Variants in PINX1 observed in about 807,000 individuals in gnomAD.
The protein encoded by PINX1 is PIN2/TERF1-interacting telomerase inhibitor 1.
Under a neutral mutation model 25.4 loss-of-function variants are expected in PINX1, and 34 were observed. The ratio of observed to expected loss-of-function variants is 1.34; its 90% CI spans 1.02 to 1.78. The LOEUF (loss-of-function observed/expected upper bound fraction) is 1.78. Ranked by LOEUF, PINX1 falls within the 40% of genes most tolerant of loss-of-function variation. The pLI is 0.00. For synonymous variants in PINX1, 197 were observed against 147.7 expected, an observed-to-expected ratio of 1.33 and a Z score of -2.42; for missense variants, 592 against 404.9, an observed-to-expected ratio of 1.46 and a Z score of -3.97.
intron 1 of PINX1, 125 bp downstream of exon 1, chr8:10,839,613 G>A (rs1171211184): frequency 1.1e-5 from 11 of 970,296 alleles, no homozygotes; most frequent in Non-Finnish European, 1.7e-5. Flanking sequence ...TCGGCTCCCC[G>A]GTCCCCCGAT....
chr8:10,835,992 A>C (rs1421922877), intron 1 of PINX1, among the ~76,000 whole-genome samples: 2 of 152,208 alleles, frequency 1.3e-5, no homozygotes, highest in African/African-American at 4.8e-5. Flanking sequence ...TGAAAAGTAG[A>C]CTGTGGCGAA....
At position 10,767,402 on chromosome 8, in the gene PINX1, G is replaced by T. The variant is rs77799908; in HGVS notation, c.472-1486C>A. Among the ~76,000 whole-genome samples the T allele has an allele frequency of 3.7e-4, 56 of 151,706 alleles. 1 individual carries two copies. In the East Asian group the frequency reaches 0.01, roughly 27 times the overall value. On this transcript the variant is annotated intron_variant, in intron 6 of 6. Coordinates refer to ENST00000314787, the MANE Select transcript of PINX1 (RefSeq NM_017884.6). ...TGCCTCAGACAGCTTTCACCAAGGG[G>T]TACATTAAAAAAAAAAATCATGTGG...
intron 6 of PINX1, among the ~76,000 whole-genome samples, chr8:10,800,433 G>C (rs1802230027): frequency 6.6e-6 from 1 of 151,820 alleles, no homozygotes; most frequent in Admixed American, 6.6e-5. Flanking sequence ...TAAAACAATA[G>C]AATGGAGTTT....
At chr8:10,817,087 G>C (rs747575943) in intron 6 of PINX1, among the ~76,000 whole-genome samples, 1 of 152,174 alleles carries the variant, frequency 6.6e-6, no homozygotes, top group Non-Finnish European at 1.5e-5. Flanking sequence ...TGTTACCCAA[G>C]CCAAGAACAT....
rs560160055 is a variant in PINX1, at chr8:10,826,680, G to A, written c.302-436C>T. ...GGAATACCACTCCACAGTAAAGAGCGGCGGCCGCTGCCACCGCAATGGCCA... is the reference window on the plus strand; with the variant it reads ...GGAATACCACTCCACAGTAAAGAGCAGCGGCCGCTGCCACCGCAATGGCCA... On this transcript the variant is annotated intron_variant, in intron 4 of 6. Coordinates refer to ENST00000314787, the MANE Select transcript of PINX1 (RefSeq NM_017884.6). 2.3e-3 allele frequency among the ~76,000 whole-genome samples: 344 copies of A among 152,320 alleles called. 2 individuals carry two copies. The highest frequency in any genetic ancestry group is 7.8e-3 in the African/African-American group (324 of 41,562).
At position 10,839,758 on chromosome 8, in the gene PINX1, T is replaced by C; in HGVS notation, c.-2A>G. 1 of 1,604,082 alleles carries C rather than the reference T, an allele frequency of 6.2e-7. No homozygotes were observed. The highest frequency in any genetic ancestry group is 8.5e-7 in the Non-Finnish European group (1 of 1,175,406). ...CTCACGTTCAGCCAGCATAGACATGTCGGAGAGCCTGTGATACCGCCGCCT... is the reference window on the plus strand; with the variant it reads ...CTCACGTTCAGCCAGCATAGACATGCCGGAGAGCCTGTGATACCGCCGCCT... On this transcript the variant is annotated 5_prime_UTR_variant, in exon 1 of 7. Coordinates refer to ENST00000314787, the MANE Select transcript of PINX1 (RefSeq NM_017884.6).
rs1563197319 is a variant in PINX1 at position 10,765,678 on chromosome 8, T to C, written c.710A>G (p.Glu237Gly). 4 of 1,613,914 alleles carry C rather than the reference T, an allele frequency of 2.5e-6. No individual in the cohort carries two copies. Among genetic ancestry groups the C allele is most frequent in the Non-Finnish European group, 3.4e-6 (4 of 1,179,908 alleles). The change falls in exon 7 of 7, where the codon GAG becomes GGG. Residue 237 changes from glutamate (E) to glycine (G), a missense_variant. Physicochemically the swap from Glu to Gly is moderately conservative, Grantham distance 98. Transcript: ENST00000314787. ...GGCCTCGGCCCTCTCGGGCTTTCCC[T>C]CCGTGTGCCTCTTGGCCTTAGGCTG... ...YLQPKAKRHT[E>G]GKPERAEAQE...
rs1242341959 is a variant in PINX1, at chr8:10,832,962, C to T, written c.152G>A (p.Gly51Glu). The change falls in exon 3 of 7, where the codon GGA becomes GAA. Residue 51 changes from glycine to glutamate, a missense_variant. By Grantham distance (98) the Gly-to-Glu change is moderately conservative (BLOSUM62 -2). Coordinates refer to ENST00000314787, the MANE Select transcript of PINX1 (RefSeq NM_017884.6). Reference protein sequence around the residue: ...KGKGLGAQEQGATDHIKVQVK... With the variant: ...KGKGLGAQEQEATDHIKVQVK... ...TTGAACTTTAATATGATCTGTGGCT[C>T]CTTGCTCCTGAGCCCCTAAACCCTG... 1 of 1,610,264 alleles carries T rather than the reference C, an allele frequency of 6.2e-7. No individual in the cohort carries two copies. Among genetic ancestry groups the T allele is most frequent in the South Asian group, 1.1e-5 (1 of 90,102 alleles).
At chr8:10,795,868 C>T (rs1401849205) in intron 6 of PINX1, among the ~76,000 whole-genome samples, 1 of 147,294 alleles carries the variant, frequency 6.8e-6, no homozygotes, top group Non-Finnish European at 1.5e-5. Context: ...TCACAAATCC[C>T]ATTTGATTTT....
At chr8:10,779,348 T>A (rs900340171) in intron 6 of PINX1, among the ~76,000 whole-genome samples, 4 of 152,168 alleles carry the variant, frequency 2.6e-5, no homozygotes, top group African/African-American at 9.7e-5. Context: ...AATGGACATA[T>A]AACAAAATCA....
intron 6 of PINX1, among the ~76,000 whole-genome samples, chr8:10,803,140 A>G (rs1268074255): frequency 6.6e-6 from 1 of 152,216 alleles, no homozygotes; most frequent in Non-Finnish European, 1.5e-5. Context: ...GTGAACCCTA[A>G]TATTCCTATC....
rs114524783 is a variant in PINX1, at chr8:10,778,321, T to C, written c.472-12405A>G. Among the ~76,000 whole-genome samples the C allele has an allele frequency of 2.7e-3, 415 of 152,246 alleles. 1 individual carries two copies. Among genetic ancestry groups the C allele is most frequent in the African/African-American group, 9.3e-3 (388 of 41,550 alleles). On this transcript the variant is annotated intron_variant, in intron 6 of 6. Coordinates refer to ENST00000314787, the MANE Select transcript of PINX1 (RefSeq NM_017884.6). ...ATTCAACCTGGAATATCAATATAAA[T>C]ATGCTAAATTGATATTCCAGGTTGA...
At chr8:10,834,625 T>G in intron 2 of PINX1, 41 bp downstream of exon 2, 1 of 1,605,024 alleles carries the variant, frequency 6.2e-7, no homozygotes, top group African/African-American at 1.3e-5. Context: ...TTCTAATCTC[T>G]TTTCATAGCT....
intron 1 of PINX1, among the ~76,000 whole-genome samples, chr8:10,835,974 T>C (rs1038925111): frequency 1.3e-5 from 2 of 152,082 alleles, no homozygotes; most frequent in Non-Finnish European, 2.9e-5. Context: ...AGCACAAGAA[T>C]GTCAAACTGA....
chr8:10,771,832 A>G (rs1801232297), intron 6 of PINX1, among the ~76,000 whole-genome samples: 1 of 152,186 alleles, frequency 6.6e-6, no homozygotes, highest in Non-Finnish European at 1.5e-5. Flanking sequence ...ATCAGATAGC[A>G]CCTTCCCTTG....
At chr8:10,778,872 T>G (rs1801495610) in intron 6 of PINX1, among the ~76,000 whole-genome samples, 1 of 152,344 alleles carries the variant, frequency 6.6e-6, no homozygotes, top group African/African-American at 2.4e-5. Flanking sequence ...GGGTGGGCTT[T>G]TACCCATGTA....
At chr8:10,786,568 G>A (rs958123695) in intron 6 of PINX1, among the ~76,000 whole-genome samples, 10 of 152,120 alleles carry the variant, frequency 6.6e-5, no homozygotes, top group Non-Finnish European at 7.4e-5. Context: ...CGTGAGCTAC[G>A]CCCCAGAAGG....
intron 6 of PINX1, among the ~76,000 whole-genome samples, chr8:10,816,940 T>C (rs78493534): frequency 1.8e-4 from 27 of 152,240 alleles, no homozygotes; most frequent in South Asian, 1.7e-3. Flanking sequence ...CATGACGGGA[T>C]TGCTGTGAGG....
At chr8:10,818,448 G>A (rs1019666811) in intron 6 of PINX1, among the ~76,000 whole-genome samples, 1 of 152,134 alleles carries the variant, frequency 6.6e-6, no homozygotes, top group Non-Finnish European at 1.5e-5. Context: ...AGAAACCTCT[G>A]ATCTCTTACA....
Sources: gnomAD v4.1 joint callset for allele counts (sites outside exome capture counted in the v4.1 genomes callset) on GRCh38, gnomAD v4.1.1 for gene constraint, MANE v1.5 for transcripts, NCBI Gene and HGNC (gene_info 2026-07-23, HGNC 2026-07-21) for gene names.